Variants in ZNF385D observed in about 807,000 individuals in gnomAD.
ZNF385D encodes the protein zinc finger protein 659.
Under a neutral mutation model 35.8 loss-of-function variants are expected in ZNF385D, and 15 were observed. That is an observed-to-expected ratio of 0.42 (90% CI 0.28 to 0.64). The LOEUF (loss-of-function observed/expected upper bound fraction) is 0.64. ZNF385D is among the 30% of genes least tolerant of loss of function. The pLI, the probability that ZNF385D is intolerant of heterozygous loss-of-function variation, is 0.23. For synonymous variants in ZNF385D, 212 were observed against 186.8 expected (o/e 1.13, Z -1.10); for missense variants, 474 against 494.6 (o/e 0.96, Z 0.39).
At chr3:21,664,525 C>G (rs753047517) in intron 2 of ZNF385D, among the ~76,000 whole-genome samples, 26 of 152,144 alleles carry the variant, frequency 1.7e-4, no homozygotes, top group Non-Finnish European at 2.9e-4. Flanking sequence ...AGAAGAAACA[C>G]ATTTTTAATT....
At chr3:22,227,132 T>A (rs1396032077) in intron 2 of ZNF385D, among the ~76,000 whole-genome samples, 1 of 151,832 alleles carries the variant, frequency 6.6e-6, no homozygotes, top group Non-Finnish European at 1.5e-5. Context: ...ATTATGATTA[T>A]ATAACATAAT....
Position 21,997,165 on chromosome 3 carries a change from G to C in ZNF385D, c.325+171652C>G, listed in dbSNP as rs372022937. On this transcript the variant is annotated intron_variant, in intron 3 of 5. Transcript: ENST00000494108. ...CATATAAACCATGGAATACTATGCA[G>C]CTGTAAAAAAGGGTGAGTTCATGCC... Among the ~76,000 whole-genome samples the C allele has an allele frequency of 1.4e-3, 218 of 152,186 alleles. 1 individual carries two copies. The highest frequency in any genetic ancestry group is 0.011 in the South Asian group (53 of 4,828).
intron 3 of ZNF385D, among the ~76,000 whole-genome samples, chr3:22,095,168 C>T (rs745699248): frequency 6.8e-6 from 1 of 147,236 alleles, no homozygotes; most frequent in African/African-American, 2.5e-5. Context: ...CTCCTGGCCT[C>T]AAGTAGTCTT....
chr3:22,117,637 T>C (rs1404912785), intron 3 of ZNF385D, among the ~76,000 whole-genome samples: 1 of 152,026 alleles, frequency 6.6e-6, no homozygotes, highest in Non-Finnish European at 1.5e-5. Flanking sequence ...TTGAATATTT[T>C]AGATATTTAC....
At chr3:22,346,970 C>A (rs1006541777) in intron 2 of ZNF385D, among the ~76,000 whole-genome samples, 10 of 152,268 alleles carry the variant, frequency 6.6e-5, no homozygotes, top group Admixed American at 4.6e-4. Flanking sequence ...AGACAAGTAT[C>A]CACCTAAGTA....
In ZNF385D at chr3:21,750,886, A is replaced by C. The variant is rs1242934182; in HGVS notation, c.22+9T>G. On this transcript the variant is annotated intron_variant, in intron 1 of 7. Transcript: ENST00000281523. ...CCCCCAGAATTACATCATCAGAGTG[A>C]ACACTCACCAAAATACATTATGTTT... 6.2e-7 allele frequency: 1 copy of C among 1,614,064 alleles called. No homozygotes were observed. Among genetic ancestry groups the C allele is most frequent in the African/African-American group, 1.3e-5 (1 of 74,920 alleles).
chr3:22,200,731 C>T (rs925219076), intron 2 of ZNF385D, among the ~76,000 whole-genome samples: 1 of 152,042 alleles, frequency 6.6e-6, no homozygotes, highest in Non-Finnish European at 1.5e-5. Context: ...TAAAAGATGG[C>T]CATGCCCGGG....
At chr3:22,268,624 G>A (rs1372895136) in intron 2 of ZNF385D, among the ~76,000 whole-genome samples, 1 of 152,028 alleles carries the variant, frequency 6.6e-6, no homozygotes, top group Non-Finnish European at 1.5e-5. Flanking sequence ...ATTTGGCATG[G>A]GCCATAGTCC....
chr3:22,004,507 G>A (rs1158553160), intron 3 of ZNF385D, among the ~76,000 whole-genome samples: 1 of 152,178 alleles, frequency 6.6e-6, no homozygotes, highest in East Asian at 1.9e-4. Context: ...CTGTGGAATA[G>A]GAGAAAGTGT....
At chr3:21,674,554 GTGT>G (rs1268152682) in intron 1 of ZNF385D, among the ~76,000 whole-genome samples, 2 of 152,080 alleles carry the variant, frequency 1.3e-5, no homozygotes, top group Non-Finnish European at 2.9e-5. Context: ...AATGTAATTT[GTGT>G]TATCTAAGTT....
intron 3 of ZNF385D, among the ~76,000 whole-genome samples, chr3:21,969,523 G>A (rs563890694): frequency 6.6e-6 from 1 of 152,314 alleles, no homozygotes; most frequent in African/African-American, 2.4e-5. Flanking sequence ...GTCTTGAGCA[G>A]TTCTTTATAG....
chr3:22,281,515 T>G (rs1701739391), intron 2 of ZNF385D, among the ~76,000 whole-genome samples: 1 of 152,246 alleles, frequency 6.6e-6, no homozygotes, highest in East Asian at 1.9e-4. Context: ...TATTTTTAGT[T>G]CTGGTTACGT....
At chr3:22,244,392 AT>A (rs1306456249) in intron 2 of ZNF385D, among the ~76,000 whole-genome samples, 1,319 of 131,544 alleles carry the variant, frequency 0.01, 39 homozygotes, top group African/African-American at 0.019. Context: ...AAAAAAAAAA[AT>A]GAAAACATAA....
At chr3:21,893,323 T>C (rs557235834) in intron 3 of ZNF385D, among the ~76,000 whole-genome samples, 17 of 152,168 alleles carry the variant, frequency 1.1e-4, no homozygotes, top group African/African-American at 4.1e-4. Flanking sequence ...GGGAAGGAGG[T>C]ATGACACAAA....
At chr3:21,993,666 T>C (rs1046153800) in intron 3 of ZNF385D, among the ~76,000 whole-genome samples, 1 of 152,168 alleles carries the variant, frequency 6.6e-6, no homozygotes, top group Non-Finnish European at 1.5e-5. Flanking sequence ...AGCTATATCA[T>C]GAGAAAATGA....
rs914158076 is a variant in ZNF385D at position 22,075,044 on chromosome 3, T to A, written c.325+93773A>T. 2.6e-5 allele frequency among the ~76,000 whole-genome samples: 4 copies of A among 151,910 alleles called. No homozygotes were observed. In the East Asian group the frequency reaches 7.7e-4, roughly 29 times the overall value. On this transcript the variant is annotated intron_variant, in intron 3 of 5. Coordinates refer to the ZNF385D transcript ENST00000494108. The stretch of plus-strand genomic sequence containing the variant: ...TCAATATTAACTACATATTTGAAAC[T>A]TGCAGAGTAATTTTTTAAAAATACT...
intron 4 of ZNF385D, among the ~76,000 whole-genome samples, chr3:21,479,190 C>T (rs1453673180): frequency 6.7e-6 from 1 of 149,934 alleles, no homozygotes; most frequent in African/African-American, 2.5e-5. Context: ...GAGTCTAGAG[C>T]TCTAAGTTAA....
intron 2 of ZNF385D, among the ~76,000 whole-genome samples, chr3:21,566,886 T>G (rs1381920950): frequency 6.6e-6 from 1 of 152,152 alleles, no homozygotes; most frequent in Non-Finnish European, 1.5e-5. Context: ...TGGCCTGCTT[T>G]CTATGTATTT....
chr3:22,100,853 GAA>G (rs1270880859), intron 3 of ZNF385D, among the ~76,000 whole-genome samples: 1 of 151,402 alleles, frequency 6.6e-6, no homozygotes, highest in African/African-American at 2.4e-5. Flanking sequence ...ATAAAAAAAA[GAA>G]AATCACATAA....
Sources: allele counts gnomAD v4.1 joint callset (sites outside exome capture counted in the v4.1 genomes callset), GRCh38; gene constraint gnomAD v4.1.1; transcripts MANE v1.5; gene names NCBI Gene and HGNC (gene_info 2026-07-23, HGNC 2026-07-21).